Variants in ARHGAP42 observed in about 807,000 individuals in gnomAD.
ARHGAP42 encodes Rho GTPase activating protein 42.
In ARHGAP42, 63 loss-of-function variants were observed where a neutral mutation model predicts 125.0. That is an observed-to-expected ratio of 0.50 (90% CI 0.41 to 0.62). The LOEUF (loss-of-function observed/expected upper bound fraction) is 0.62. Among genes scored for constraint, ARHGAP42 ranks in the 20% least tolerant of loss-of-function variants. The probability of loss-of-function intolerance (pLI) is 0.00; values close to 1 mark genes in which losing one functional copy is unlikely to be tolerated. For synonymous variants in ARHGAP42, 339 were observed against 351.0 expected (o/e 0.97, Z 0.38); for missense variants, 766 against 1,024.2 (o/e 0.75, Z 3.44).
intron 3 of ARHGAP42, among the ~76,000 whole-genome samples, chr11:100,806,072 A>G (rs762375278): frequency 2.0e-5 from 3 of 152,206 alleles, no homozygotes; most frequent in Non-Finnish European, 2.9e-5. Flanking sequence ...CTGTGGTTCA[A>G]ATGCCTCTGA....
At chr11:100,759,035 C>T (rs1047812170) in intron 1 of ARHGAP42, among the ~76,000 whole-genome samples, 1 of 151,974 alleles carries the variant, frequency 6.6e-6, no homozygotes, top group Non-Finnish European at 1.5e-5. Context: ...ACTGAATGCT[C>T]ACTCCATCAA....
rs900486052 is a variant in ARHGAP42, at chr11:100,741,625, G to A, written c.155-28718G>A. The stretch of plus-strand genomic sequence containing the variant: ...AAGGATCTAAATTATTGGCATACCA[G>A]CTGACTGCTTTAAGCCTAAAGCAAA... On this transcript the variant is annotated intron_variant, in intron 1 of 23. Transcript: ENST00000298815. 5.3e-5 allele frequency among the ~76,000 whole-genome samples: 8 copies of A among 152,272 alleles called. No individual in the cohort carries two copies. In the South Asian group the frequency reaches 1.0e-3, roughly 20 times the overall value.
intron 9 of ARHGAP42, among the ~76,000 whole-genome samples, chr11:100,942,439 A>G (rs634636): frequency 0.19 from 29,256 of 152,142 alleles, 3,818 homozygotes; most frequent in East Asian, 0.44. Context: ...AATACAATGT[A>G]CTTTGTTTGA....
At chr11:100,821,900 A>G (rs563674411) in intron 3 of ARHGAP42, among the ~76,000 whole-genome samples, 7 of 152,142 alleles carry the variant, frequency 4.6e-5, no homozygotes, top group Non-Finnish European at 7.4e-5. Flanking sequence ...GCTTGTTGCT[A>G]ATGACTGGAG....
At chr11:100,816,774 AGCCTGACATTTCCATGGCAAAC>A (rs1380128119) in intron 3 of ARHGAP42, 1 of 152,184 alleles carries the variant, frequency 6.6e-6, no homozygotes, top group Non-Finnish European at 1.5e-5. Flanking sequence ...AAATGAGAAT[AGCCTGACATTTCCATGGCAAAC>A]TTCTTGGTGT....
intron 4 of ARHGAP42, among the ~76,000 whole-genome samples, chr11:100,873,829 G>A (rs1423830841): frequency 6.6e-6 from 1 of 152,146 alleles, no homozygotes; most frequent in East Asian, 1.9e-4. Flanking sequence ...AGCAGGGATT[G>A]AACGCAGGCA....
chr11:100,748,853 T>G (rs948941009), intron 1 of ARHGAP42, among the ~76,000 whole-genome samples: 1 of 152,210 alleles, frequency 6.6e-6, no homozygotes, highest in African/African-American at 2.4e-5. Context: ...AATTATTAAT[T>G]ATAGGTTTTA....
chr11:100,710,210 A>C (rs538266001), intron 1 of ARHGAP42, among the ~76,000 whole-genome samples: 50 of 152,170 alleles, frequency 3.3e-4, no homozygotes, highest in African/African-American at 8.4e-4. Flanking sequence ...ATATTATAAC[A>C]TTGTATTTTT....
At chr11:100,721,925 T>C (rs11224409) in intron 1 of ARHGAP42, among the ~76,000 whole-genome samples, 13,235 of 152,290 alleles carry the variant, frequency 0.087, 657 homozygotes, top group Middle Eastern at 0.14. Flanking sequence ...CAGATTTTGT[T>C]TGGACATAAT....
intron 1 of ARHGAP42, among the ~76,000 whole-genome samples, chr11:100,733,414 G>A (rs980125719): frequency 1.3e-5 from 2 of 152,180 alleles, no homozygotes; most frequent in Non-Finnish European, 2.9e-5. Flanking sequence ...AGAAAGGTTT[G>A]CAAACACTAA....
chr11:100,804,547 ATTT>A (rs769218224), intron 3 of ARHGAP42, among the ~76,000 whole-genome samples: 1 of 144,678 alleles, frequency 6.9e-6, no homozygotes, highest in Admixed American at 6.9e-5. Context: ...TAATTTTTAA[ATTT>A]TTTTTTTTTT....
chr11:100,951,674 A>C (rs1281369101), intron 12 of ARHGAP42, among the ~76,000 whole-genome samples: 1 of 152,180 alleles, frequency 6.6e-6, no homozygotes, highest in East Asian at 1.9e-4. Flanking sequence ...ATGGAGAGGG[A>C]GTCTGCATCT....
chr11:100,946,690 T>G (rs560984421), intron 10 of ARHGAP42, among the ~76,000 whole-genome samples: 2 of 152,164 alleles, frequency 1.3e-5, no homozygotes, highest in East Asian at 3.9e-4. Context: ...TATGTGGACA[T>G]GGTTAATGGC....
At chr11:100,691,269 G>C (rs925994076) in intron 1 of ARHGAP42, among the ~76,000 whole-genome samples, 3 of 150,224 alleles carry the variant, frequency 2.0e-5, no homozygotes, top group African/African-American at 7.4e-5. Context: ...TAAAATTTGA[G>C]CTGTGAAAAA....
intron 1 of ARHGAP42, among the ~76,000 whole-genome samples, chr11:100,689,919 A>C (rs1271903685): frequency 1.3e-5 from 2 of 152,168 alleles, no homozygotes; most frequent in African/African-American, 4.8e-5. Context: ...TCCCTTAGGA[A>C]GGATGCTCTG....
chr11:100,809,908 T>C (rs1193775210), intron 3 of ARHGAP42, among the ~76,000 whole-genome samples: 2 of 151,564 alleles, frequency 1.3e-5, no homozygotes, highest in Non-Finnish European at 2.9e-5. Flanking sequence ...GCCACTGCAC[T>C]CGAGCCTGGG....
intron 3 of ARHGAP42, among the ~76,000 whole-genome samples, chr11:100,826,765 C>T (rs532052884): frequency 6.6e-6 from 1 of 152,100 alleles, no homozygotes; most frequent in Non-Finnish European, 1.5e-5. Context: ...GCTCATGTCA[C>T]CCCTGTCTCT....
In ARHGAP42 at chr11:100,921,483, T is replaced by C; in HGVS notation, c.487-11T>C. 1 of 1,526,160 alleles carries C rather than the reference T, an allele frequency of 6.6e-7. No homozygotes were observed. The highest frequency in any genetic ancestry group is 8.9e-7 in the Non-Finnish European group (1 of 1,129,404). 94.5% of individuals were successfully genotyped at this position (1,526,160 alleles called of 1,614,324 possible). ...AACCATCAGTAATCACCCTCTGGTT[T>C]TTCTCTTTAGGCAGATACACAAATT... On this transcript the variant is annotated splice_polypyrimidine_tract_variant and intron_variant, in intron 5 of 23. Coordinates refer to ENST00000298815, the MANE Select transcript of ARHGAP42 (RefSeq NM_152432.4).
rs181924232 is a variant in ARHGAP42, at chr11:100,840,024, G to T, written c.313-19530G>T. On this transcript the variant is annotated intron_variant, in intron 3 of 23. Coordinates refer to ENST00000298815, the MANE Select transcript of ARHGAP42 (RefSeq NM_152432.4). Reference sequence around the variant, plus strand: ...ATTTTTATTTTATGAGACTAGAATTGGATCAAAAGTAAAAATATGAACTAG... The same window carrying T: ...ATTTTTATTTTATGAGACTAGAATTTGATCAAAAGTAAAAATATGAACTAG... 3 of 152,118 alleles carry T rather than the reference G, an allele frequency of 2.0e-5. No individual in the cohort carries two copies. In the East Asian group the frequency reaches 5.8e-4, roughly 29 times the overall value. 9.4% of individuals were successfully genotyped at this position (152,118 alleles called of 1,614,324 possible). A position where few individuals can be genotyped will look rare whatever the true frequency, so the allele number is the denominator to read the frequency against.
Sources: allele counts gnomAD v4.1 joint callset (sites outside exome capture counted in the v4.1 genomes callset), GRCh38; gene constraint gnomAD v4.1.1; transcripts MANE v1.5; gene names NCBI Gene and HGNC (gene_info 2026-07-23, HGNC 2026-07-21).